APCDD1: variants seen among roughly 807,000 people sequenced by gnomAD.
APCDD1 encodes the protein protein APCDD1.
In APCDD1, 15 loss-of-function variants were observed where a neutral mutation model predicts 38.1. That is an observed-to-expected ratio of 0.39 (90% CI 0.26 to 0.61). The LOEUF (loss-of-function observed/expected upper bound fraction) is 0.61. Ranked by LOEUF, APCDD1 falls within the 20% of genes least tolerant of loss-of-function variation. The probability of loss-of-function intolerance (pLI) is 0.49; values close to 1 mark genes in which losing one functional copy is unlikely to be tolerated. For synonymous variants in APCDD1, 261 were observed against 279.7 expected (o/e 0.93, Z 0.67); for missense variants, 647 against 696.2 (o/e 0.93, Z 0.79).
intron 1 of APCDD1, among the ~76,000 whole-genome samples, chr18:10,464,037 C>T (rs945370392): frequency 1.3e-5 from 2 of 152,132 alleles, no homozygotes; most frequent in Non-Finnish European, 2.9e-5. Flanking sequence ...CTTTAGAAAC[C>T]CTGGGCTATT....
At chr18:10,458,890 T>G (rs924038725) in intron 1 of APCDD1, among the ~76,000 whole-genome samples, 2 of 152,200 alleles carry the variant, frequency 1.3e-5, no homozygotes, top group East Asian at 1.9e-4. Flanking sequence ...TCCGCTACCA[T>G]CCTGGACGTA....
Position 10,485,843 on chromosome 18 carries a change from G to C in APCDD1, c.1096+60G>C. On this transcript the variant is annotated intron_variant, in intron 4 of 4. Coordinates refer to ENST00000355285, the MANE Select transcript of APCDD1 (RefSeq NM_153000.5). This position sits in a 1 kb window ranked among gnomAD's most constrained non-coding sequence, Gnocchi z 5.8. ...CAATAAACAGCCCTGTGACATTTTT[G>C]TGGAGGCAGAGCTGAGGGAAAGGAC... 1 of 1,572,240 alleles carries C rather than the reference G, an allele frequency of 6.4e-7. No homozygotes were observed. Among genetic ancestry groups the C allele is most frequent in the South Asian group, 1.1e-5 (1 of 88,750 alleles).
chr18:10,459,034 C>T (rs2030458865), intron 1 of APCDD1, among the ~76,000 whole-genome samples: 1 of 152,156 alleles, frequency 6.6e-6, no homozygotes, highest in Admixed American at 6.5e-5. Flanking sequence ...TGGTATCATC[C>T]TAAAATTATT....
intron 1 of APCDD1, among the ~76,000 whole-genome samples, chr18:10,465,734 A>G (rs1198027803): frequency 2.0e-5 from 3 of 152,354 alleles, no homozygotes; most frequent in East Asian, 1.9e-4. Flanking sequence ...TGTCAGTGCC[A>G]TCGGAGGCTG....
At chr18:10,465,758 A>G (rs190969488) in intron 1 of APCDD1, among the ~76,000 whole-genome samples, 63 of 152,294 alleles carry the variant, frequency 4.1e-4, no homozygotes, top group African/African-American at 1.4e-3. Flanking sequence ...CAAGTGATTC[A>G]CGGGTATCTC....
intron 3 of APCDD1, chr18:10,477,285 T>A (rs1023478197): frequency 1.3e-5 from 2 of 152,230 alleles, no homozygotes; most frequent in Non-Finnish European, 2.9e-5. Context: ...AAACTGTGAC[T>A]GCTCCCTGGA....
intron 1 of APCDD1, among the ~76,000 whole-genome samples, chr18:10,458,889 A>G (rs1163539603): frequency 6.6e-6 from 1 of 152,150 alleles, no homozygotes; most frequent in East Asian, 1.9e-4. Context: ...ATCCGCTACC[A>G]TCCTGGACGT....
chr18:10,455,083 C>T (rs762360801), intron 1 of APCDD1, 44 bp downstream of exon 1: 1 of 1,545,738 alleles, frequency 6.5e-7, no homozygotes, highest in South Asian at 1.2e-5. Context: ...CCGGCGGAGG[C>T]AGCCCGGGCG....
At chr18:10,462,010 A>T (rs1351343385) in intron 1 of APCDD1, among the ~76,000 whole-genome samples, 1 of 152,232 alleles carries the variant, frequency 6.6e-6, no homozygotes, top group African/African-American at 2.4e-5. Flanking sequence ...TTCTACAGGC[A>T]CGGTAGTGCC....
rs1345777997 is a variant in APCDD1, at chr18:10,471,684, G to C, written c.397G>C (p.Ala133Pro). ...CCGGGGCAAGATCCGCCTCCGCCAGGCCTCCTGGATCATCCGAGGGGGCAC... is the reference window on the plus strand; with the variant it reads ...CCGGGGCAAGATCCGCCTCCGCCAGCCCTCCTGGATCATCCGAGGGGGCAC... ...IIRGKIRLRQASWIIRGGTEA... is the reference protein window; with the variant it reads ...IIRGKIRLRQPSWIIRGGTEA... The change falls in exon 3 of 5, where the codon GCC becomes CCC. Residue 133 changes from alanine to proline, a missense_variant. Transcript: ENST00000355285. This position sits in a 1 kb window ranked among gnomAD's most constrained non-coding sequence, Gnocchi z 5.5. 4 of 1,613,980 alleles carry C rather than the reference G, an allele frequency of 2.5e-6. No homozygotes were observed. The highest frequency in any genetic ancestry group is 1.3e-5 in the African/African-American group (1 of 74,910).
chr18:10,483,704 T>G (rs953704989), intron 3 of APCDD1, among the ~76,000 whole-genome samples: 32 of 152,188 alleles, frequency 2.1e-4, no homozygotes, highest in African/African-American at 7.2e-4. Context: ...CCCTCAGCCT[T>G]GGCCACAGGA....
At position 10,488,209 on chromosome 18, in the gene APCDD1, T is replaced by A; in HGVS notation, c.*171T>A. On this transcript the variant is annotated 3_prime_UTR_variant, in exon 5 of 5. Transcript: ENST00000355285. ...CCTGAGTCATGAACAGCAAGGAGTG[T>A]TTGAAGTTTCTGCTTTGAACTCCGT... 1 of 850,722 alleles carries A rather than the reference T, an allele frequency of 1.2e-6. No individual in the cohort carries two copies. Among genetic ancestry groups the A allele is most frequent in the Non-Finnish European group, 1.8e-6 (1 of 551,564 alleles). 52.7% of individuals were successfully genotyped at this position (850,722 alleles called of 1,614,324 possible).
intron 1 of APCDD1, among the ~76,000 whole-genome samples, chr18:10,460,524 C>T (rs190035694): frequency 3.1e-4 from 45 of 145,610 alleles, no homozygotes; most frequent in Admixed American, 2.1e-3. Flanking sequence ...CAGAGCAAGA[C>T]TCTGTCTCAA....
intron 3 of APCDD1, among the ~76,000 whole-genome samples, chr18:10,473,832 G>A (rs1281849071): frequency 5.9e-5 from 9 of 152,038 alleles, no homozygotes; most frequent in Non-Finnish European, 1.3e-4. Flanking sequence ...GTTTTATACT[G>A]GCCAGGTCCA....
chr18:10,461,635 G>T (rs1464313061), intron 1 of APCDD1, among the ~76,000 whole-genome samples: 1 of 152,144 alleles, frequency 6.6e-6, no homozygotes, highest in Admixed American at 6.5e-5. Context: ...TTATCATCAT[G>T]ATCATTATGT....
chr18:10,465,871 A>G (rs551076840), intron 1 of APCDD1, among the ~76,000 whole-genome samples: 33 of 152,362 alleles, frequency 2.2e-4, no homozygotes, highest in Non-Finnish European at 5.9e-5. Flanking sequence ...CTTGGATTCA[A>G]TGCAATCCTT....
At chr18:10,455,275 C>A (rs1456712859) in intron 1 of APCDD1, among the ~76,000 whole-genome samples, 1 of 152,202 alleles carries the variant, frequency 6.6e-6, no homozygotes, top group Admixed American at 6.5e-5. Context: ...TGCTGCGGGA[C>A]TGTTCTTTTT....
chr18:10,481,522 C>T (rs937033372), intron 3 of APCDD1, among the ~76,000 whole-genome samples: 23 of 151,826 alleles, frequency 1.5e-4, no homozygotes, highest in African/African-American at 5.6e-4. Flanking sequence ...TGGAGGTTTC[C>T]AGGGGCAGGA....
intron 1 of APCDD1, among the ~76,000 whole-genome samples, chr18:10,461,519 A>G (rs897310060): frequency 2.0e-5 from 3 of 152,226 alleles, no homozygotes; most frequent in African/African-American, 7.2e-5. Flanking sequence ...GACTTTACAC[A>G]TTCTCAATCA....
Sources: gnomAD v4.1 joint callset for allele counts (sites outside exome capture counted in the v4.1 genomes callset) on GRCh38, gnomAD v4.1.1 for gene constraint, Gnocchi (gnomAD v3.1) non-coding constraint, MANE v1.5 for transcripts, NCBI Gene and HGNC (gene_info 2026-07-23, HGNC 2026-07-21) for gene names.